Variants in CELF2 observed in about 807,000 individuals in gnomAD.
CELF2 encodes CUGBP Elav-like family member 2.
CELF2 carries 8 observed loss-of-function variants against 62.6 expected under a neutral mutation model. That is an observed-to-expected ratio of 0.13 (90% confidence interval 0.07 to 0.23). The LOEUF (loss-of-function observed/expected upper bound fraction) is 0.23. Among genes scored for constraint, CELF2 ranks in the 10% least tolerant of loss-of-function variants. The pLI is 1.00. For missense variants in CELF2, 333 were observed against 671.0 expected, an observed-to-expected ratio of 0.50 and a Z score of 5.56; for synonymous variants, 258 against 250.0, an observed-to-expected ratio of 1.03 and a Z score of -0.30.
the CELF2 span, among the ~76,000 whole-genome samples, chr10:10,774,408 G>A: frequency 1.3e-5 from 2 of 152,216 alleles, no homozygotes; most frequent in East Asian, 1.9e-4. Flanking sequence ...CATGCTGGAG[G>A]TGGGACCTGG....
At chr10:10,571,009 A>T in the CELF2 span, among the ~76,000 whole-genome samples, 1 of 152,212 alleles carries the variant, frequency 6.6e-6, no homozygotes, top group Non-Finnish European at 1.5e-5. Flanking sequence ...AAGTACATCA[A>T]GGTTAATATT....
At chr10:11,284,007 AGTGT>A (rs148628247) in intron 8 of CELF2, among the ~76,000 whole-genome samples, 2 of 96,060 alleles carry the variant, frequency 2.1e-5, no homozygotes, top group Non-Finnish European at 4.2e-5. Flanking sequence ...ATGAGGGATG[AGTGT>A]GTGGTGGGTG....
chr10:11,316,151 C>T lies in CELF2; in HGVS notation c.1096+1893C>T, dbSNP rs898031632. ...TTCTTGTGTGGGGTCTTGTGTGATA[C>T]ACATTTTGCTTCTGGCAAGGACAAC... On this transcript the variant is annotated intron_variant, in intron 10 of 12. Coordinates refer to ENST00000633077, the MANE Select transcript of CELF2 (RefSeq NM_001326342.2). This position sits in a 1 kb window ranked among gnomAD's most constrained non-coding sequence, Gnocchi z 4.4. Among the ~76,000 whole-genome samples, 1 of 152,212 alleles carries T rather than the reference C, an allele frequency of 6.6e-6. No homozygotes were observed. Among genetic ancestry groups the T allele is most frequent in the South Asian group, 2.1e-4 (1 of 4,834 alleles).
chr10:10,702,229 G>A, the CELF2 span, among the ~76,000 whole-genome samples: 1 of 152,188 alleles, frequency 6.6e-6, no homozygotes, highest in African/African-American at 2.4e-5. Flanking sequence ...TAAAAATGGG[G>A]AGAAGGGGGA....
chr10:11,189,916 C>G (rs1266961569), intron 2 of CELF2, among the ~76,000 whole-genome samples: 3 of 152,182 alleles, frequency 2.0e-5, no homozygotes, highest in Non-Finnish European at 2.9e-5. Flanking sequence ...TCCTCTCATT[C>G]CCTTCATTAC....
At chr10:11,263,751 C>T (rs2081386815) in intron 5 of CELF2, among the ~76,000 whole-genome samples, 3 of 152,190 alleles carry the variant, frequency 2.0e-5, no homozygotes, top group South Asian at 4.1e-4. Context: ...ACATTGGAGG[C>T]CTAATCCTAA....
chr10:10,714,259 T>C, the CELF2 span, among the ~76,000 whole-genome samples: 1 of 152,222 alleles, frequency 6.6e-6, no homozygotes, highest in African/African-American at 2.4e-5. Context: ...ATACCACTGT[T>C]ATTTCGTCTG....
intron 3 of CELF2, among the ~76,000 whole-genome samples, chr10:11,228,480 T>C (rs1589423311): frequency 6.6e-6 from 1 of 152,158 alleles, no homozygotes; most frequent in South Asian, 2.1e-4. Flanking sequence ...CTTTTATGGG[T>C]AATAATCTAC....
At chr10:10,613,298 A>G in the CELF2 span, among the ~76,000 whole-genome samples, 1 of 152,354 alleles carries the variant, frequency 6.6e-6, no homozygotes, top group African/African-American at 2.4e-5. Flanking sequence ...AGAAAATACC[A>G]AAAAGCAGAG....
At chr10:10,955,404 C>A (rs1345867236) in intron 2 of CELF2, among the ~76,000 whole-genome samples, 1 of 152,224 alleles carries the variant, frequency 6.6e-6, no homozygotes, top group Non-Finnish European at 1.5e-5. Context: ...GAAGCCCAAC[C>A]CAGATCTATT....
At chr10:10,968,840 T>C (rs1479136974) in intron 2 of CELF2, among the ~76,000 whole-genome samples, 3 of 152,238 alleles carry the variant, frequency 2.0e-5, no homozygotes, top group Non-Finnish European at 4.4e-5. Context: ...TGGTTATGGA[T>C]AAAGTTGTTA....
rs1363192741 is a variant in CELF2, at chr10:11,297,720, C to A, written c.976+9168C>A. On this transcript the variant is annotated intron_variant, in intron 9 of 12. Coordinates refer to ENST00000633077, the MANE Select transcript of CELF2 (RefSeq NM_001326342.2). The surrounding 1 kb of genome is among the most constrained non-coding windows in gnomAD (Gnocchi z 4.4). The stretch of plus-strand genomic sequence containing the variant: ...TCATGGCAGTTCACACCTGTAATCC[C>A]AGCACTTTGGGAGGCTGAGGCAGGA... Among the ~76,000 whole-genome samples, 4 of 152,332 alleles carry A rather than the reference C, an allele frequency of 2.6e-5. No individual in the cohort carries two copies. Among genetic ancestry groups the A allele is most frequent in the African/African-American group, 9.6e-5 (4 of 41,568 alleles).
the CELF2 span, among the ~76,000 whole-genome samples, chr10:10,540,922 T>A: frequency 2.0e-5 from 3 of 152,004 alleles, no homozygotes; most frequent in African/African-American, 7.2e-5. Flanking sequence ...CAGTGGCTCA[T>A]GCCTGTAATC....
At chr10:10,656,638 G>A in the CELF2 span, among the ~76,000 whole-genome samples, 4 of 119,912 alleles carry the variant, frequency 3.3e-5, no homozygotes, top group Non-Finnish European at 5.3e-5. Context: ...ACCAAACAGC[G>A]CATATTCTCA....
At chr10:10,605,880 G>A in the CELF2 span, among the ~76,000 whole-genome samples, 1 of 152,192 alleles carries the variant, frequency 6.6e-6, no homozygotes, top group Non-Finnish European at 1.5e-5. Context: ...TTGGAACTGC[G>A]ATAGGGCCTA....
chr10:10,522,970 C>T, the CELF2 span, among the ~76,000 whole-genome samples: 9 of 152,148 alleles, frequency 5.9e-5, no homozygotes, highest in African/African-American at 1.7e-4. Flanking sequence ...GCCAAGCAAA[C>T]GGAAAAGGTG....
intron 2 of CELF2, among the ~76,000 whole-genome samples, chr10:10,951,232 CT>C (rs2048286965): frequency 6.6e-6 from 1 of 152,076 alleles, no homozygotes; most frequent in African/African-American, 2.4e-5. Context: ...CAGCCTCGAC[CT>C]TTTGGGCTCA....
chr10:11,017,046 C>T (rs2057351805), upstream of CELF2, among the ~76,000 whole-genome samples: 1 of 152,192 alleles, frequency 6.6e-6, no homozygotes, highest in Non-Finnish European at 1.5e-5. This position sits in a 1 kb window ranked among gnomAD's most constrained non-coding sequence, Gnocchi z 5.5. Flanking sequence ...TAGAATGTCA[C>T]CTTAGAAACG....
the CELF2 span, among the ~76,000 whole-genome samples, chr10:10,505,097 G>T: frequency 0.16 from 23,647 of 151,988 alleles, 2,340 homozygotes; most frequent in Non-Finnish European, 0.21. Context: ...ATGATGACTG[G>T]TTTTTTAAAT....
Sources: gnomAD v4.1 joint callset for allele counts (sites outside exome capture counted in the v4.1 genomes callset) on GRCh38, gnomAD v4.1.1 for gene constraint, Gnocchi (gnomAD v3.1) non-coding constraint, MANE v1.5 for transcripts, NCBI Gene and HGNC (gene_info 2026-07-23, HGNC 2026-07-21) for gene names.